IFT74: variants seen among roughly 807,000 people sequenced by gnomAD.
IFT74 encodes the protein intraflagellar transport protein 74 homolog.
IFT74 carries 92 observed loss-of-function variants against 96.7 expected under a neutral mutation model. The ratio of observed to expected loss-of-function variants is 0.95; its 90% CI spans 0.80 to 1.13. The LOEUF (loss-of-function observed/expected upper bound fraction) is 1.13, where lower values mean the gene tolerates loss of function less well. Among genes scored for constraint, IFT74 ranks in the 50% most tolerant of loss-of-function variants. The pLI, the probability that IFT74 is intolerant of heterozygous loss-of-function variation, is 0.00. For missense variants in IFT74, 811 were observed against 698.2 expected, an observed-to-expected ratio of 1.16 and a Z score of -1.82; for synonymous variants, 223 against 213.2, an observed-to-expected ratio of 1.05 and a Z score of -0.40.
At position 27,036,464 on chromosome 9, in the gene IFT74, G is replaced by T. The variant is rs765313330; in HGVS notation, c.1054+7360G>T. 37 of 1,613,398 alleles carry T rather than the reference G, an allele frequency of 2.3e-5. No homozygotes were observed. The East Asian group carries it at 7.6e-4, about 33-fold the overall frequency. On this transcript the variant is annotated intron_variant, in intron 13 of 19. Transcript: ENST00000380062. The stretch of plus-strand genomic sequence containing the variant: ...TTCATCTGCAGATCCTACCAACTAT[G>T]GATGGAAAATACTTGAAAAAAATAC...
rs765905014 is a variant in IFT74 at position 26,990,118 on chromosome 9, T to A, written c.526-16T>A. On this transcript the variant is annotated splice_polypyrimidine_tract_variant and intron_variant, in intron 7 of 19. Transcript: ENST00000380062. ...AATATTTATTTCTTACTAACTTATG[T>A]GTTAACTTTATTCAGCTTAAAGCTC... 8 of 1,466,790 alleles carry A rather than the reference T, an allele frequency of 5.5e-6. No homozygotes were observed. The highest frequency in any genetic ancestry group is 7.3e-6 in the Non-Finnish European group (8 of 1,102,960). The allele number at this position is 1,466,790 out of a possible 1,614,324, so 90.9% of individuals were successfully genotyped here. A position where few individuals can be genotyped will look rare whatever the true frequency, so the allele number is the denominator to read the frequency against.
At chr9:27,045,981 T>C (rs187022419) in intron 14 of IFT74, among the ~76,000 whole-genome samples, 82 of 152,238 alleles carry the variant, frequency 5.4e-4, no homozygotes, top group Non-Finnish European at 1.5e-4. Flanking sequence ...TGTCAATAAG[T>C]GTTCATTTAA....
intron 1 of IFT74, among the ~76,000 whole-genome samples, chr9:26,950,131 T>G (rs1359411083): frequency 6.6e-6 from 1 of 151,042 alleles, no homozygotes; most frequent in African/African-American, 2.4e-5. Context: ...GCTAACATGG[T>G]GAAACCTTGT....
intron 12 of IFT74, among the ~76,000 whole-genome samples, chr9:27,025,443 CAAAA>C (rs57335230): frequency 2.6e-5 from 2 of 77,716 alleles, no homozygotes; most frequent in Non-Finnish European, 5.0e-5. Context: ...ACTCCATCTC[CAAAA>C]AAAAAAAAAA....
At chr9:26,999,723 T>G (rs1202252739) in intron 8 of IFT74, 5 of 1,512,202 alleles carry the variant, frequency 3.3e-6, no homozygotes, top group Non-Finnish European at 4.5e-6. Context: ...AAGAGAGTAT[T>G]TTCATTAAGG....
rs970656933 is a variant in IFT74 at position 27,065,620 on chromosome 9, T to A, written c.*2884T>A. Among the ~76,000 whole-genome samples the A allele has an allele frequency of 2.0e-5, 3 of 152,180 alleles. No homozygotes were observed. Among genetic ancestry groups the A allele is most frequent in the Non-Finnish European group, 4.4e-5 (3 of 68,018 alleles). ...TCTCATTTTAAGGTACAAAATTCAGTGCCTGCTTAGAGGATTACAGCATGG... is the reference window on the plus strand; with the variant it reads ...TCTCATTTTAAGGTACAAAATTCAGAGCCTGCTTAGAGGATTACAGCATGG... On this transcript the variant is annotated 3_prime_UTR_variant, in exon 20 of 20. Coordinates refer to ENST00000380062, the MANE Select transcript of IFT74 (RefSeq NM_025103.4).
intron 8 of IFT74, among the ~76,000 whole-genome samples, chr9:27,001,214 C>G (rs1270884362): frequency 6.6e-6 from 1 of 152,028 alleles, no homozygotes; most frequent in Non-Finnish European, 1.5e-5. Flanking sequence ...TGTTGATGGG[C>G]ACTTAGGTTG....
intron 10 of IFT74, among the ~76,000 whole-genome samples, 165 bp downstream of exon 10, chr9:27,012,133 G>T (rs1325067266): frequency 6.6e-6 from 1 of 152,028 alleles, no homozygotes; most frequent in Non-Finnish European, 1.5e-5. Flanking sequence ...TCCTAGTATG[G>T]TAAGAAATTA....
chr9:27,038,266 GTT>G (rs747868669), intron 13 of IFT74, among the ~76,000 whole-genome samples: 17 of 151,972 alleles, frequency 1.1e-4, no homozygotes, highest in Non-Finnish European at 2.2e-4. Context: ...TTTTGTTTTT[GTT>G]TTTGTTTTTT....
chr9:27,050,669 G>A (rs1819880127), intron 16 of IFT74, among the ~76,000 whole-genome samples: 1 of 148,004 alleles, frequency 6.8e-6, no homozygotes, highest in Non-Finnish European at 1.5e-5. Flanking sequence ...AAGATTTTTG[G>A]GTGGGAATTG....
chr9:26,997,857 A>G lies in IFT74; in HGVS notation c.587+7662A>G. 1.2e-6 allele frequency: 2 copies of G among 1,614,204 alleles called. No homozygotes were observed. Among genetic ancestry groups the G allele is most frequent in the Non-Finnish European group, 8.5e-7 (1 of 1,180,036 alleles). On this transcript the variant is annotated intron_variant, in intron 8 of 19. Transcript: ENST00000380062. ...GGTGGTACATCCAAATAGCTAATCAAATTGCCTTGCAGATTCAGAAGTTTT... is the reference window on the plus strand; with the variant it reads ...GGTGGTACATCCAAATAGCTAATCAGATTGCCTTGCAGATTCAGAAGTTTT...
chr9:27,036,749 C>G (rs904772323), intron 13 of IFT74: 9 of 1,198,240 alleles, frequency 7.5e-6, no homozygotes, highest in African/African-American at 6.3e-5. Context: ...TAAGAGAGAG[C>G]GTAAAGTGCT....
At chr9:26,998,242 C>G (rs1169334458) in intron 8 of IFT74, 1 of 1,399,904 alleles carries the variant, frequency 7.1e-7, no homozygotes, top group African/African-American at 1.5e-5. Context: ...ATTGGACTTC[C>G]TAGAAAAACA....
At chr9:26,999,665 A>G in intron 8 of IFT74, 1 of 1,610,794 alleles carries the variant, frequency 6.2e-7, no homozygotes, top group Non-Finnish European at 8.5e-7. Context: ...AGAGGGGCCA[A>G]AAGAGGATTG....
At chr9:26,965,190 T>G (rs1023495395) in intron 2 of IFT74, among the ~76,000 whole-genome samples, 6 of 152,104 alleles carry the variant, frequency 3.9e-5, no homozygotes, top group Non-Finnish European at 5.9e-5. Context: ...AAAACATAAA[T>G]TTATAAATAC....
intron 4 of IFT74, among the ~76,000 whole-genome samples, chr9:26,982,876 G>A (rs1827448991): frequency 6.6e-6 from 1 of 152,234 alleles, no homozygotes; most frequent in African/African-American, 2.4e-5. Flanking sequence ...ACAGGCGTGA[G>A]CTGCCGCACT....
chr9:27,015,980 C>G (rs971061506), intron 10 of IFT74, among the ~76,000 whole-genome samples: 4 of 152,110 alleles, frequency 2.6e-5, no homozygotes, highest in African/African-American at 9.7e-5. Flanking sequence ...TTGTCACATC[C>G]TTATTTTTTT....
Position 26,984,497 on chromosome 9 carries a change from A to G in IFT74, c.405-2A>G. The stretch of plus-strand genomic sequence containing the variant: ...ATGAATGTATTTATTTTATGCTTTC[A>G]GGGCTGAGACTTTAGCTGTTGAGAT... On this transcript the variant is annotated splice_acceptor_variant, in intron 5 of 19. Transcript: ENST00000380062. LOFTEE classifies it high-confidence loss of function. 1 of 1,610,686 alleles carries G rather than the reference A, an allele frequency of 6.2e-7. No homozygotes were observed. Among genetic ancestry groups the G allele is most frequent in the Non-Finnish European group, 8.5e-7 (1 of 1,177,812 alleles).
intron 16 of IFT74, among the ~76,000 whole-genome samples, chr9:27,051,187 G>C (rs892280455): frequency 6.6e-6 from 1 of 152,078 alleles, no homozygotes; most frequent in African/African-American, 2.4e-5. Flanking sequence ...AAATAGAACT[G>C]CCCAAGGGTT....
Sources: allele counts gnomAD v4.1 joint callset (sites outside exome capture counted in the v4.1 genomes callset), GRCh38; gene constraint gnomAD v4.1.1; transcripts MANE v1.5; gene names NCBI Gene and HGNC (gene_info 2026-07-23, HGNC 2026-07-21).